Variants in SEMA5A observed in about 807,000 individuals in gnomAD.
SEMA5A encodes the protein semaphorin-5A.
In SEMA5A, 55 loss-of-function variants were observed where a neutral mutation model predicts 135.5. The ratio of observed to expected loss-of-function variants is 0.41; its 90% CI spans 0.33 to 0.51. The LOEUF is 0.51. SEMA5A is among the 20% of genes least tolerant of loss of function. The pLI, the probability that SEMA5A is intolerant of heterozygous loss-of-function variation, is 0.37. For synonymous variants in SEMA5A, 580 were observed against 546.5 expected, an observed-to-expected ratio of 1.06 and a Z score of -0.85; for missense variants, 1,290 against 1,419.9, an observed-to-expected ratio of 0.91 and a Z score of 1.47.
intron 5 of SEMA5A, among the ~76,000 whole-genome samples, chr5:9,297,449 T>C (rs1751395293): frequency 6.6e-6 from 1 of 152,182 alleles, no homozygotes; most frequent in Non-Finnish European, 1.5e-5. Context: ...ACTCAGTCAG[T>C]CGCCACTTCC....
rs146979886 is a variant in SEMA5A, at chr5:9,226,996, A to AATAT, written c.334-33_334-30dup. 9,579 of 1,058,562 alleles carry AATAT rather than the reference A, an allele frequency of 9.0e-3. 412 individuals are homozygous for AATAT. In the East Asian group the frequency reaches 0.15, roughly 16 times the overall value. The allele number at this position is 1,058,562 out of a possible 1,614,324, so 65.6% of individuals were successfully genotyped here. A position where few individuals can be genotyped will look rare whatever the true frequency, so the allele number is the denominator to read the frequency against. Reference sequence around the variant, plus strand: ...AGGGAAAATAAATAAATTAATTAAAAATATATATATATATGTATAATGATA... The same window carrying AATAT: ...AGGGAAAATAAATAAATTAATTAAAAATATATATATATATATATGTATAATGATA... On this transcript the variant is annotated intron_variant, in intron 6 of 22. Transcript: ENST00000382496.
rs778788296 is a variant in SEMA5A, at chr5:9,190,480, G to C, written c.1069-9C>G. On this transcript the variant is annotated splice_polypyrimidine_tract_variant and intron_variant, in intron 10 of 22. Transcript: ENST00000382496. ...TGGTCCACGGTGCCACACTGAAAGG[G>C]AAGACGGGCCAGGTTACCAGAGCCG... 6.2e-7 allele frequency: 1 copy of C among 1,612,122 alleles called. No homozygotes were observed. The highest frequency in any genetic ancestry group is 2.2e-5 in the East Asian group (1 of 44,860).
At chr5:9,203,713 G>A (rs866094240) in intron 8 of SEMA5A, among the ~76,000 whole-genome samples, 6 of 152,138 alleles carry the variant, frequency 3.9e-5, no homozygotes, top group Admixed American at 1.3e-4. Context: ...AGTACAATAC[G>A]TTGTTAAGTC....
Position 9,204,554 on chromosome 5 carries a change from C to T in SEMA5A, c.647-2314G>A, listed in dbSNP as rs1431898505. ...CTTGTGCCAAGATCTGTGCTTGGTG[C>T]TTTATATCCCCATTGAACTCACAAG... On this transcript the variant is annotated intron_variant, in intron 8 of 22. Coordinates refer to ENST00000382496, the MANE Select transcript of SEMA5A (RefSeq NM_003966.3). The surrounding 1 kb of genome is among the most constrained non-coding windows in gnomAD (Gnocchi z 6.4). Among the ~76,000 whole-genome samples the T allele has an allele frequency of 6.6e-6, 1 of 152,222 alleles. No individual in the cohort carries two copies. Among genetic ancestry groups the T allele is most frequent in the East Asian group, 1.9e-4 (1 of 5,200 alleles).
chr5:9,440,866 C>A (rs565242866), intron 1 of SEMA5A, among the ~76,000 whole-genome samples: 49 of 152,298 alleles, frequency 3.2e-4, no homozygotes, highest in African/African-American at 1.2e-3. Flanking sequence ...CATGCCAGGC[C>A]AGTCTTATGA....
At chr5:9,340,513 C>A (rs1486480731) in intron 3 of SEMA5A, among the ~76,000 whole-genome samples, 1 of 152,172 alleles carries the variant, frequency 6.6e-6, no homozygotes, top group Non-Finnish European at 1.5e-5. Flanking sequence ...GCTAAAGAGA[C>A]ATACATCAGG....
intron 5 of SEMA5A, among the ~76,000 whole-genome samples, chr5:9,293,922 A>G (rs967967924): frequency 1.3e-5 from 2 of 152,234 alleles, no homozygotes; most frequent in African/African-American, 2.4e-5. Flanking sequence ...AGAAATAATG[A>G]GCAATTGGTT....
chr5:9,489,362 G>A (rs745471971), intron 1 of SEMA5A, among the ~76,000 whole-genome samples: 24 of 152,080 alleles, frequency 1.6e-4, no homozygotes, highest in African/African-American at 4.8e-5. Context: ...ATGCAAAAGG[G>A]AACAAAATGT....
intron 3 of SEMA5A, among the ~76,000 whole-genome samples, chr5:9,371,738 A>C (rs1755145425): frequency 6.6e-6 from 1 of 152,204 alleles, no homozygotes; most frequent in Non-Finnish European, 1.5e-5. Context: ...TTATTCATGG[A>C]ACAAAGGATA....
intron 1 of SEMA5A, among the ~76,000 whole-genome samples, chr5:9,500,389 A>G (rs1735532843): frequency 6.6e-6 from 1 of 152,190 alleles, no homozygotes; most frequent in Non-Finnish European, 1.5e-5. Flanking sequence ...GACACATGTT[A>G]AGAAATATCT....
At chr5:9,354,950 T>G (rs1394980471) in intron 3 of SEMA5A, among the ~76,000 whole-genome samples, 1 of 151,974 alleles carries the variant, frequency 6.6e-6, no homozygotes, top group Non-Finnish European at 1.5e-5. Context: ...GACAGGAGTG[T>G]AACGAGAGAC....
At chr5:9,490,673 C>T (rs1211826813) in intron 1 of SEMA5A, among the ~76,000 whole-genome samples, 1 of 152,208 alleles carries the variant, frequency 6.6e-6, no homozygotes, top group African/African-American at 2.4e-5. Context: ...AATGCCTAAT[C>T]CCATATCTTG....
intron 16 of SEMA5A, among the ~76,000 whole-genome samples, chr5:9,095,498 A>T (rs1739268442): frequency 6.6e-6 from 1 of 152,222 alleles, no homozygotes; most frequent in Non-Finnish European, 1.5e-5. Context: ...AACTTTTAGG[A>T]TTACTAAAGG....
intron 13 of SEMA5A, among the ~76,000 whole-genome samples, chr5:9,127,569 C>T (rs546595274): frequency 6.6e-6 from 1 of 152,296 alleles, no homozygotes; most frequent in African/African-American, 2.4e-5. Flanking sequence ...GACAAACTGA[C>T]TTTGTCTGCC....
intron 2 of SEMA5A, among the ~76,000 whole-genome samples, chr5:9,408,341 T>G (rs1181641671): frequency 6.6e-6 from 1 of 152,174 alleles, no homozygotes; most frequent in Non-Finnish European, 1.5e-5. Flanking sequence ...ACTTCTTAAC[T>G]CCACTAGACT....
At chr5:9,424,569 T>A (rs1757578012) in intron 2 of SEMA5A, among the ~76,000 whole-genome samples, 1 of 152,076 alleles carries the variant, frequency 6.6e-6, no homozygotes, top group Non-Finnish European at 1.5e-5. Context: ...TGTATCTGTC[T>A]ACTCTCTAGA....
chr5:9,222,152 A>G (rs990598795), intron 8 of SEMA5A, among the ~76,000 whole-genome samples: 1 of 152,172 alleles, frequency 6.6e-6, no homozygotes. Flanking sequence ...CTGGCAAAGA[A>G]CAGATGGGAT....
At chr5:9,148,874 C>T (rs1242110376) in intron 12 of SEMA5A, among the ~76,000 whole-genome samples, 1 of 152,150 alleles carries the variant, frequency 6.6e-6, no homozygotes, top group Non-Finnish European at 1.5e-5. Flanking sequence ...CATGCGCTAC[C>T]ATGTCCAGCT....
intron 5 of SEMA5A, chr5:9,265,590 T>G: frequency 2.2e-6 from 1 of 454,958 alleles, no homozygotes; most frequent in Non-Finnish European, 4.4e-6. Flanking sequence ...ATCTGTCCAG[T>G]GCCTGGCGTC....
Sources: allele counts gnomAD v4.1 joint callset (sites outside exome capture counted in the v4.1 genomes callset), GRCh38; gene constraint gnomAD v4.1.1; non-coding constraint Gnocchi (gnomAD v3.1); transcripts MANE v1.5; gene names NCBI Gene and HGNC (gene_info 2026-07-23, HGNC 2026-07-21).